SLC26A7: variants seen among roughly 807,000 people sequenced by gnomAD.
SLC26A7 encodes anion exchange transporter.
A neutral mutation model predicts 82.5 loss-of-function variants in SLC26A7; 59 were observed. The ratio of observed to expected loss-of-function variants is 0.72; its 90% CI spans 0.58 to 0.89. The LOEUF is 0.89. Among genes scored for constraint, SLC26A7 ranks in the 40% least tolerant of loss-of-function variants. SLC26A7 has a pLI of 0.00. For synonymous variants in SLC26A7, 271 were observed against 274.3 expected, an observed-to-expected ratio of 0.99 and a Z score of 0.12; for missense variants, 820 against 793.0, an observed-to-expected ratio of 1.03 and a Z score of -0.41.
intron 2 of SLC26A7, among the ~76,000 whole-genome samples, chr8:91,277,506 A>G (rs1362288263): frequency 6.6e-6 from 1 of 152,206 alleles, no homozygotes; most frequent in East Asian, 1.9e-4. Flanking sequence ...TGGGTCACAC[A>G]TCTTATGTCC....
intron 2 of SLC26A7, among the ~76,000 whole-genome samples, chr8:91,276,164 C>A (rs1295448509): frequency 1.3e-5 from 2 of 151,136 alleles, no homozygotes; most frequent in Admixed American, 6.6e-5. Flanking sequence ...GGGATTACTT[C>A]TTTTTTTTTC....
chr8:91,351,854 T>C lies in SLC26A7; in HGVS notation c.1185T>C (p.Tyr395=), dbSNP rs921030109. The C allele has an allele frequency of 9.3e-6, 15 of 1,612,704 alleles. No homozygotes were observed. The highest frequency in any genetic ancestry group is 2.7e-5 in the African/African-American group (2 of 74,870). The part of the protein sequence containing the change: ...ISCIFVLIVI[Y]AIGPLLYWLP... ...GCATTTTCGTCCTTATAGTCATCTA[T>C]GCAATAGGACCTTTGCTTTACTGGC... The change falls in exon 10 of 19, where the codon TAT becomes TAC. Residue 395 remains tyrosine (Y), a synonymous_variant. Transcript: ENST00000276609.
intron 2 of SLC26A7, among the ~76,000 whole-genome samples, chr8:91,278,494 T>C (rs1811467064): frequency 6.6e-6 from 1 of 152,196 alleles, no homozygotes; most frequent in Non-Finnish European, 1.5e-5. Flanking sequence ...AGAGGTATCA[T>C]AGAGTAAAAG....
Position 91,394,035 on chromosome 8 carries a change from A to G in SLC26A7, c.1931A>G (p.Asn644Ser), listed in dbSNP as rs1180236007. The G allele has an allele frequency of 6.2e-7, 1 of 1,612,632 alleles. No individual in the cohort carries two copies. The highest frequency in any genetic ancestry group is 8.5e-7 in the Non-Finnish European group (1 of 1,178,882). ...VSAAISHIHSNKNLSKLSDHS... is the reference protein window; with the variant it reads ...VSAAISHIHSSKNLSKLSDHS... ...GCTGCAATAAGTCATATCCATTCAA[A>G]TAAGGTGAGTTGATTAAGTTGGGCT... Residue 644 changes from asparagine (N) to serine (S), a missense_variant, in exon 18 of 19, where the codon AAT becomes AGT. By Grantham distance (46) the Asn-to-Ser change is conservative. Transcript: ENST00000276609.
At chr8:91,219,070 C>T in intron 2 of SLC26A7, 2 of 729,318 alleles carry the variant, frequency 2.7e-6, no homozygotes, top group Non-Finnish European at 4.5e-6. Context: ...AGATTATGCC[C>T]TACTTAAGAT....
intron 15 of SLC26A7, among the ~76,000 whole-genome samples, chr8:91,378,130 A>T (rs1814567367): frequency 6.6e-6 from 1 of 151,902 alleles, no homozygotes; most frequent in Non-Finnish European, 1.5e-5. Flanking sequence ...TGGCTTTATC[A>T]CTAGGCACAA....
intron 5 of SLC26A7, among the ~76,000 whole-genome samples, 183 bp downstream of exon 5, chr8:91,318,563 AT>A (rs1379627032): frequency 2.0e-5 from 3 of 152,132 alleles, no homozygotes; most frequent in African/African-American, 7.2e-5. Flanking sequence ...ATTTCTACTA[AT>A]TTTGGAAATG....
chr8:91,273,589 A>G (rs1051573133), intron 2 of SLC26A7, among the ~76,000 whole-genome samples: 16 of 152,296 alleles, frequency 1.1e-4, no homozygotes, highest in African/African-American at 3.8e-4. Flanking sequence ...AAAATTAATG[A>G]TTAGAAACTC....
At chr8:91,352,034 A>G in intron 10 of SLC26A7, 147 bp downstream of exon 10, 2 of 702,116 alleles carry the variant, frequency 2.8e-6, no homozygotes, top group East Asian at 2.6e-5. Context: ...GGAGGTGTGG[A>G]AAGCTACCAC....
chr8:91,245,140 C>T (rs1810527189), upstream of SLC26A7, among the ~76,000 whole-genome samples: 1 of 152,116 alleles, frequency 6.6e-6, no homozygotes, highest in South Asian at 2.1e-4. Flanking sequence ...CATAGAATAT[C>T]AGAACTCTTT....
At chr8:91,241,604 CTTTAAAAGTTGAGTTTTAAT>C (rs1280914944) in intron 2 of SLC26A7, among the ~76,000 whole-genome samples, 3 of 152,154 alleles carry the variant, frequency 2.0e-5, no homozygotes, top group African/African-American at 2.4e-5. Flanking sequence ...TTAAAGTCAA[CTTTAAAAGTTGAGTTTTAAT>C]TTCTAAATAA....
Position 91,362,472 on chromosome 8 carries a change from G to T in SLC26A7, c.1421+13G>T, listed in dbSNP as rs1256961053. On this transcript the variant is annotated intron_variant, in intron 12 of 18. Transcript: ENST00000276609. ...GACGCTTCCCAAGGTAGGATCCTAT[G>T]TAAATGCTCTGTTTATTTTTGCACA... is the stretch of plus-strand genomic sequence containing the variant. 2 of 1,599,062 alleles carry T rather than the reference G, an allele frequency of 1.3e-6. No homozygotes were observed. The highest frequency in any genetic ancestry group is 2.7e-5 in the African/African-American group (2 of 74,504).
At chr8:91,380,557 A>G (rs553451985) in intron 15 of SLC26A7, among the ~76,000 whole-genome samples, 116 of 152,246 alleles carry the variant, frequency 7.6e-4, no homozygotes, top group African/African-American at 2.5e-3. Context: ...ATTTATTCCC[A>G]TGTAAGTACT....
At chr8:91,226,039 A>G (rs1810234627) in intron 2 of SLC26A7, among the ~76,000 whole-genome samples, 1 of 152,058 alleles carries the variant, frequency 6.6e-6, no homozygotes, top group Non-Finnish European at 1.5e-5. Context: ...TATTTCTCTC[A>G]AAACCATGTG....
At chr8:91,303,628 A>G (rs952798638) in intron 4 of SLC26A7, among the ~76,000 whole-genome samples, 5 of 152,242 alleles carry the variant, frequency 3.3e-5, no homozygotes, top group African/African-American at 7.2e-5. Context: ...GTATTATGAT[A>G]CTAGTGCATT....
rs369844862 is a variant in SLC26A7 at position 91,376,763 on chromosome 8, C to T, written c.1675+6930C>T. Among the ~76,000 whole-genome samples the T allele has an allele frequency of 2.1e-3, 324 of 152,124 alleles. 16 individuals are homozygous for T. In the South Asian group the frequency reaches 0.065, roughly 30 times the overall value. On this transcript the variant is annotated intron_variant, in intron 15 of 18. Coordinates refer to ENST00000276609, the MANE Select transcript of SLC26A7 (RefSeq NM_052832.4). ...TGATGAGTGGAAGCACTCAGTCTCA[C>T]GGGAGGATGGCAAGGGGAGATCATG...
chr8:91,389,135 A>G (rs1179255485), intron 15 of SLC26A7, among the ~76,000 whole-genome samples: 1 of 152,204 alleles, frequency 6.6e-6, no homozygotes, highest in Non-Finnish European at 1.5e-5. Flanking sequence ...GTCATGTCAT[A>G]ATCACCTGAA....
At position 91,293,360 on chromosome 8, in the gene SLC26A7, G is replaced by C. The variant is rs528850556; in HGVS notation, c.305-2171G>C. ...GGCAAAGATAGAGAATTAGTAGAGA[G>C]GAGACAAAGACAAAGAAGAGACCTA... On this transcript the variant is annotated intron_variant, in intron 3 of 18. Transcript: ENST00000276609. Among the ~76,000 whole-genome samples the C allele has an allele frequency of 3.3e-5, 5 of 152,312 alleles. No individual in the cohort carries two copies. In the South Asian group the frequency reaches 1.0e-3, roughly 32 times the overall value.
chr8:91,292,299 C>CT (rs1491045315), intron 3 of SLC26A7, among the ~76,000 whole-genome samples: 2 of 145,578 alleles, frequency 1.4e-5, no homozygotes, highest in Non-Finnish European at 3.0e-5. Context: ...GTGCGAGACT[C>CT]TGTCTCAAAA....
Sources: gnomAD v4.1 joint callset for allele counts (sites outside exome capture counted in the v4.1 genomes callset) on GRCh38, gnomAD v4.1.1 for gene constraint, MANE v1.5 for transcripts, NCBI Gene and HGNC (gene_info 2026-07-23, HGNC 2026-07-21) for gene names.